COG5: variants seen among roughly 807,000 people sequenced by gnomAD.
The protein encoded by COG5 is component of oligomeric golgi complex 5.
COG5 carries 86 observed loss-of-function variants against 110.4 expected under a neutral mutation model. The observed-to-expected ratio is 0.78, with a 90% CI of 0.65 to 0.93. COG5 has a LOEUF of 0.93. Ranked by LOEUF, COG5 falls within the 40% of genes least tolerant of loss-of-function variation. The pLI, the probability that COG5 is intolerant of heterozygous loss-of-function variation, is 0.00. For synonymous variants in COG5, 360 were observed against 334.6 expected (o/e 1.08, Z -0.83); for missense variants, 1,077 against 987.0 (o/e 1.09, Z -1.22).
intron 12 of COG5, among the ~76,000 whole-genome samples, chr7:107,295,099 A>AT (rs1331030154): frequency 0.011 from 696 of 63,804 alleles, 4 homozygotes; most frequent in Non-Finnish European, 0.015. Context: ...ATATATATAT[A>AT]TATTTTTTTT....
In COG5 at chr7:107,440,380, T is replaced by C. The variant is rs142891499; in HGVS notation, c.539-27748A>G. Among the ~76,000 whole-genome samples, 4 of 152,246 alleles carry C rather than the reference T, an allele frequency of 2.6e-5. No homozygotes were observed. In the East Asian group the frequency reaches 7.7e-4, roughly 29 times the overall value. ...TAGGATAGTTTAGTTTTGGTTGTTT[T>C]TCTTGGTTAAAAAAAAAAAGCTGAG... On this transcript the variant is annotated intron_variant, in intron 6 of 21. Coordinates refer to ENST00000297135, the MANE Select transcript of COG5 (RefSeq NM_006348.5).
chr7:107,394,270 A>G (rs972438241), intron 7 of COG5, among the ~76,000 whole-genome samples: 7 of 151,126 alleles, frequency 4.6e-5, no homozygotes, highest in African/African-American at 1.7e-4. Flanking sequence ...GCCAGAAAAG[A>G]TATTTTTTAA....
intron 10 of COG5, among the ~76,000 whole-genome samples, chr7:107,359,757 C>CA (rs2129045167): frequency 6.6e-6 from 1 of 152,116 alleles, no homozygotes; most frequent in Non-Finnish European, 1.5e-5. Context: ...GAGGGCTGCA[C>CA]AAACAACGGG....
At chr7:107,335,334 G>A (rs1215781992) in intron 10 of COG5, among the ~76,000 whole-genome samples, 4 of 152,132 alleles carry the variant, frequency 2.6e-5, no homozygotes, top group Non-Finnish European at 5.9e-5. Flanking sequence ...AGGTTGCGGT[G>A]AGCTGACATC....
chr7:107,532,320 G>A (rs1168735310), intron 5 of COG5, among the ~76,000 whole-genome samples: 5 of 152,244 alleles, frequency 3.3e-5, no homozygotes, highest in Non-Finnish European at 7.4e-5. Flanking sequence ...GCCTCCCAAA[G>A]TGCTGGGATT....
At chr7:107,555,603 A>C (rs1313888690) in intron 2 of COG5, among the ~76,000 whole-genome samples, 1 of 152,228 alleles carries the variant, frequency 6.6e-6, no homozygotes, top group Non-Finnish European at 1.5e-5. Context: ...AAAATTATCT[A>C]TTCTCCTTTA....
chr7:107,558,015 G>C lies in COG5; in HGVS notation c.195C>G (p.Ala65=), dbSNP rs747754583. ...AVIAEQLAKL[A]QGISQLDREL... is the part of the protein sequence containing the mutation. ...CTCTGTCCAACTGACTGATTCCTTG[G>C]GCAAGTTTTGCTAGTTGTTCAGCAA... The change falls in exon 2 of 22, where the codon GCC becomes GCG. Residue 65 remains alanine, a synonymous_variant. Transcript: ENST00000297135. 8.1e-6 allele frequency: 13 copies of C among 1,613,228 alleles called. No homozygotes were observed. Among genetic ancestry groups the C allele is most frequent in the African/African-American group, 1.3e-5 (1 of 74,648 alleles).
chr7:107,461,874 A>G (rs1437583870), intron 6 of COG5, among the ~76,000 whole-genome samples: 1 of 152,238 alleles, frequency 6.6e-6, no homozygotes, highest in Non-Finnish European at 1.5e-5. Flanking sequence ...AAATATTACC[A>G]AGAGAAATTA....
intron 7 of COG5, among the ~76,000 whole-genome samples, chr7:107,391,268 G>A (rs1189482898): frequency 6.6e-6 from 1 of 152,168 alleles, no homozygotes; most frequent in Non-Finnish European, 1.5e-5. Context: ...ACCCTCAGCA[G>A]ACTGAAAAGC....
chr7:107,302,402 GC>G (rs1416347621), intron 11 of COG5, among the ~76,000 whole-genome samples: 7 of 152,134 alleles, frequency 4.6e-5, no homozygotes, highest in Non-Finnish European at 7.4e-5. Context: ...TAATTACAAA[GC>G]TGTACAAGGA....
intron 6 of COG5, among the ~76,000 whole-genome samples, chr7:107,496,750 C>G (rs1404834880): frequency 2.0e-5 from 3 of 151,382 alleles, no homozygotes; most frequent in Admixed American, 1.3e-4. Context: ...ACCATTTCAA[C>G]TGATGCAGGA....
At chr7:107,330,158 AT>A (rs1191572578) in intron 10 of COG5, among the ~76,000 whole-genome samples, 2 of 152,246 alleles carry the variant, frequency 1.3e-5, no homozygotes, top group South Asian at 4.1e-4. Context: ...GTTAAATGGA[AT>A]CACGTTATCA....
chr7:107,311,494 C>T lies in COG5; in HGVS notation c.1108+12946G>A, dbSNP rs6971699. 1.2e-3 allele frequency among the ~76,000 whole-genome samples: 168 copies of T among 144,560 alleles called. 2 individuals are homozygous for T. Among genetic ancestry groups the T allele is most frequent in the African/African-American group, 4.1e-3 (157 of 38,658 alleles). The allele number at this position is 144,560 out of a possible 152,430, so 94.8% of individuals were successfully genotyped here. Reference sequence around the variant, plus strand: ...CTGCAAGCTCCGCTTCCCGGGTTCACGCCATTCTCCTGCCTCAGCCTCCCG... The same window carrying T: ...CTGCAAGCTCCGCTTCCCGGGTTCATGCCATTCTCCTGCCTCAGCCTCCCG... On this transcript the variant is annotated intron_variant, in intron 11 of 21. Coordinates refer to ENST00000297135, the MANE Select transcript of COG5 (RefSeq NM_006348.5).
chr7:107,487,427 C>T (rs934113381), intron 6 of COG5, among the ~76,000 whole-genome samples: 1 of 152,022 alleles, frequency 6.6e-6, no homozygotes, highest in Non-Finnish European at 1.5e-5. Context: ...ATCTCCAACT[C>T]CTGGCCTCAA....
At position 107,548,275 on chromosome 7, in the gene COG5, T is replaced by C; in HGVS notation, c.347+3A>G. On this transcript the variant is annotated splice_donor_region_variant and intron_variant, in intron 4 of 21. Transcript: ENST00000297135. ...CATTTATTTATAAAATTAAGAACAG[T>C]ACCTATCAACAGCTCCCTGTAAAGC... 1.2e-6 allele frequency: 2 copies of C among 1,610,522 alleles called. No individual in the cohort carries two copies. Among genetic ancestry groups the C allele is most frequent in the African/African-American group, 1.3e-5 (1 of 74,966 alleles).
At chr7:107,256,703 C>G in intron 16 of COG5, 29 bp downstream of exon 16, 2 of 1,520,362 alleles carry the variant, frequency 1.3e-6, no homozygotes, top group Non-Finnish European at 1.8e-6. Flanking sequence ...CCACTTTGAT[C>G]TATAGAGTCA....
chr7:107,283,942 T>TTTTTTTTTTTTTTTTA (rs1805409186), intron 12 of COG5, among the ~76,000 whole-genome samples: 5 of 151,960 alleles, frequency 3.3e-5, no homozygotes, highest in Admixed American at 6.6e-5. Flanking sequence ...TTTTTTTTTT[T>TTTTTTTTTTTTTTTTA]GAGACGTAGT....
chr7:107,424,216 T>C lies in COG5; in HGVS notation c.539-11584A>G, dbSNP rs556807044. The stretch of plus-strand genomic sequence containing the variant: ...TGAACCCAGGAGACAGAGGTTGCAG[T>C]GAGCTGAGGTCATGCCACTGCACTC... On this transcript the variant is annotated intron_variant, in intron 6 of 21. Coordinates refer to ENST00000297135, the MANE Select transcript of COG5 (RefSeq NM_006348.5). Among the ~76,000 whole-genome samples the C allele has an allele frequency of 7.2e-5, 11 of 152,048 alleles. No homozygotes were observed. The East Asian group carries it at 1.2e-3, about 16-fold the overall frequency.
chr7:107,210,911 C>G (rs1196924523), intron 20 of COG5, among the ~76,000 whole-genome samples, 188 bp downstream of exon 20: 4 of 152,208 alleles, frequency 2.6e-5, no homozygotes, highest in African/African-American at 9.7e-5. Context: ...ATTTTTTGCA[C>G]TGCTGAGAAA....
Sources: allele counts gnomAD v4.1 joint callset (sites outside exome capture counted in the v4.1 genomes callset), GRCh38; gene constraint gnomAD v4.1.1; transcripts MANE v1.5; gene names NCBI Gene and HGNC (gene_info 2026-07-23, HGNC 2026-07-21).